The following TRPC7 variants were observed in gnomAD, a reference collection of about 807,000 sequenced individuals.
TRPC7 encodes the protein short transient receptor potential channel 7.
TRPC7 carries 42 observed loss-of-function variants against 90.1 expected under a neutral mutation model. The observed-to-expected ratio is 0.47, with a 90% CI of 0.36 to 0.60. The LOEUF (loss-of-function observed/expected upper bound fraction) is 0.60, where lower values mean the gene tolerates loss of function less well. TRPC7 is among the 20% of genes least tolerant of loss of function. The pLI, the probability that TRPC7 is intolerant of heterozygous loss-of-function variation, is 0.00. For missense variants in TRPC7, 955 were observed against 1,112.3 expected, an observed-to-expected ratio of 0.86 and a Z score of 2.01; for synonymous variants, 451 against 436.3, an observed-to-expected ratio of 1.03 and a Z score of -0.42.
chr5:136,301,525 C>T (rs1758387347), intron 3 of TRPC7, among the ~76,000 whole-genome samples: 1 of 151,920 alleles, frequency 6.6e-6, no homozygotes, highest in African/African-American at 2.4e-5. Flanking sequence ...TCTGCCCCAC[C>T]CTAACTGATC....
At chr5:136,231,868 G>A (rs767166465) in intron 7 of TRPC7, among the ~76,000 whole-genome samples, 21 of 152,172 alleles carry the variant, frequency 1.4e-4, no homozygotes, top group Non-Finnish European at 2.8e-4. Flanking sequence ...GCCTCCCACA[G>A]TGCTGGGATG....
At position 136,225,342 on chromosome 5, in the gene TRPC7, G is replaced by C. The variant is rs751001592; in HGVS notation, c.2275C>G (p.Gln759Glu). ...TTTTCAGAATTCCTCATGCCAGCCT[G>C]GTAGCGAGTCTTCTGGATAAAACAA... ...LNSKFKKTRY[Q>E]AGMRNSENLT... The change falls in exon 10 of 12, where the codon CAG becomes GAG. Residue 759 changes from glutamine (Q) to glutamate (E), a missense_variant. This residue lies in a region of TRPC7 where 296 missense variants were observed against 422.7 expected (regional missense o/e 0.70). Coordinates refer to ENST00000513104, the MANE Select transcript of TRPC7 (RefSeq NM_020389.3). 6.2e-7 allele frequency: 1 copy of C among 1,612,506 alleles called. No individual in the cohort carries two copies. The highest frequency in any genetic ancestry group is 1.1e-5 in the South Asian group (1 of 90,604).
intron 2 of TRPC7, 95 bp from the exon 3 acceptor site, chr5:136,315,874 A>C: frequency 8.5e-6 from 10 of 1,183,112 alleles, no homozygotes; most frequent in Middle Eastern, 2.0e-4. Context: ...TGCTCACCAC[A>C]TGTGACCTTA....
intron 4 of TRPC7, among the ~76,000 whole-genome samples, chr5:136,267,183 C>A (rs980102630): frequency 2.0e-5 from 3 of 152,110 alleles, no homozygotes; most frequent in African/African-American, 7.2e-5. Flanking sequence ...CCAAAAGATG[C>A]CCTATTAGGA....
chr5:136,317,043 G>A (rs980050117), intron 2 of TRPC7, among the ~76,000 whole-genome samples: 3 of 152,188 alleles, frequency 2.0e-5, no homozygotes, highest in East Asian at 3.8e-4. Context: ...TAGAGAAAGA[G>A]GTAAGTAACT....
intron 2 of TRPC7, among the ~76,000 whole-genome samples, chr5:136,319,238 C>T (rs1177783920): frequency 6.6e-6 from 1 of 152,180 alleles, no homozygotes; most frequent in Non-Finnish European, 1.5e-5. Context: ...AAAAGTCCCA[C>T]ATGTTCACAC....
At chr5:136,267,498 C>G (rs1314362322) in intron 4 of TRPC7, among the ~76,000 whole-genome samples, 1 of 152,164 alleles carries the variant, frequency 6.6e-6, no homozygotes, top group South Asian at 2.1e-4. Context: ...ATTCAGGAGT[C>G]CTAGAGTGAA....
At chr5:136,296,524 C>A (rs1041641268) in intron 3 of TRPC7, among the ~76,000 whole-genome samples, 2 of 152,082 alleles carry the variant, frequency 1.3e-5, no homozygotes, top group Admixed American at 6.6e-5. Context: ...GAATGCTCAA[C>A]AGTAGAGAAA....
At chr5:136,312,846 T>C (rs1194421067) in intron 3 of TRPC7, among the ~76,000 whole-genome samples, 1 of 152,102 alleles carries the variant, frequency 6.6e-6, no homozygotes, top group Non-Finnish European at 1.5e-5. Context: ...TGGCATTTCA[T>C]AGACATAGAG....
chr5:136,301,900 T>C (rs187880016), intron 3 of TRPC7, among the ~76,000 whole-genome samples: 1 of 152,306 alleles, frequency 6.6e-6, no homozygotes, highest in African/African-American at 2.4e-5. Context: ...TTCCTGCTCT[T>C]TGCTCCATGA....
chr5:136,341,107 C>A (rs1036731773), intron 2 of TRPC7, among the ~76,000 whole-genome samples: 1 of 152,108 alleles, frequency 6.6e-6, no homozygotes, highest in African/African-American at 2.4e-5. Context: ...TTTGACCCAG[C>A]GACTCCATTT....
At chr5:136,347,046 G>A (rs764251122) in intron 2 of TRPC7, among the ~76,000 whole-genome samples, 1 of 152,140 alleles carries the variant, frequency 6.6e-6, no homozygotes, top group South Asian at 2.1e-4. Context: ...GCAGAGACTG[G>A]AGTGGTGCGT....
At chr5:136,313,297 G>A (rs36139242) in intron 3 of TRPC7, among the ~76,000 whole-genome samples, 6 of 152,026 alleles carry the variant, frequency 3.9e-5, no homozygotes, top group Non-Finnish European at 1.5e-5. Context: ...GAATTAATGG[G>A]TTGATTTTAT....
At chr5:136,333,612 C>G (rs933121626) in intron 2 of TRPC7, among the ~76,000 whole-genome samples, 4 of 152,172 alleles carry the variant, frequency 2.6e-5, no homozygotes, top group Non-Finnish European at 5.9e-5. Context: ...ATTTCATGGC[C>G]TGGAGGCAGA....
At chr5:136,319,591 T>C (rs1170320691) in intron 2 of TRPC7, among the ~76,000 whole-genome samples, 1 of 152,190 alleles carries the variant, frequency 6.6e-6, no homozygotes, top group Non-Finnish European at 1.5e-5. Flanking sequence ...GCCCTCCTTG[T>C]ACCCTTTCTT....
At chr5:136,311,413 G>A (rs1000262063) in intron 3 of TRPC7, among the ~76,000 whole-genome samples, 1 of 152,188 alleles carries the variant, frequency 6.6e-6, no homozygotes, top group African/African-American at 2.4e-5. Context: ...TGACCACATG[G>A]CAGACACTGG....
chr5:136,227,369 C>T (rs1755660158), intron 8 of TRPC7, among the ~76,000 whole-genome samples: 1 of 152,182 alleles, frequency 6.6e-6, no homozygotes, highest in African/African-American at 2.4e-5. Context: ...AAAACTGCTT[C>T]CCTCACATAG....
intron 11 of TRPC7, among the ~76,000 whole-genome samples, chr5:136,214,734 G>C (rs887754222): frequency 6.6e-6 from 1 of 152,108 alleles, no homozygotes; most frequent in Non-Finnish European, 1.5e-5. Flanking sequence ...GCTGAGCTTC[G>C]AGCTGCATGC....
intron 1 of TRPC7, among the ~76,000 whole-genome samples, chr5:136,364,470 G>A (rs373523613): frequency 1.2e-4 from 18 of 152,260 alleles, no homozygotes; most frequent in African/African-American, 4.3e-4. Context: ...TGTACTCGGT[G>A]CTTCAGAAAT....
Sources: gnomAD v4.1 joint callset for allele counts (sites outside exome capture counted in the v4.1 genomes callset) on GRCh38, gnomAD v4.1.1 for gene constraint, gnomAD v4.1.1 regional missense constraint, MANE v1.5 for transcripts, NCBI Gene and HGNC (gene_info 2026-07-23, HGNC 2026-07-21) for gene names.